The following WDR77 variants were observed in gnomAD, a reference collection of about 807,000 sequenced individuals.
The protein encoded by WDR77 is WD repeat domain 77.
Under a neutral mutation model 44.0 loss-of-function variants are expected in WDR77, and 31 were observed. The ratio of observed to expected loss-of-function variants is 0.70; its 90% confidence interval spans 0.53 to 0.95. WDR77 has a LOEUF of 0.95. Ranked by LOEUF, WDR77 falls within the 40% of genes least tolerant of loss-of-function variation. The pLI is 0.00. For synonymous variants in WDR77, 186 were observed against 165.7 expected (o/e 1.12, Z -0.94); for missense variants, 390 against 423.9 (o/e 0.92, Z 0.70).
Position 111,442,898 on chromosome 1 carries a change from A to T in WDR77, c.692-137T>A, listed in dbSNP as rs1245516491. 2.7e-5 allele frequency: 15 copies of T among 555,532 alleles called. No individual in the cohort carries two copies. In the Admixed American group the frequency reaches 5.1e-4, roughly 19 times the overall value. 34.4% of individuals were successfully genotyped at this position (555,532 alleles called of 1,614,324 possible). On this transcript the variant is annotated intron_variant, in intron 7 of 9. Transcript: ENST00000235090. The stretch of plus-strand genomic sequence containing the variant: ...TTCTCTTTTGCAAAGTAGGAATAAT[A>T]AGTCACTGGATCATTGTGAAAATTA...
chr1:111,441,474 C>A, intron 9 of WDR77, 85 bp from the exon 10 acceptor site: 1 of 1,398,234 alleles, frequency 7.2e-7, no homozygotes, highest in Non-Finnish European at 9.3e-7. Flanking sequence ...ACATCTGGGG[C>A]ACATTTTTTG....
At position 111,448,552 on chromosome 1, in the gene WDR77, G is replaced by A. The variant is rs556442657; in HGVS notation, c.301+67C>T. ...CGTTAGATATTGAGCTCAACCCTAC[G>A]GTACCCCAAGTCTCCATTCTACCGT... On this transcript the variant is annotated intron_variant, in intron 2 of 9. Transcript: ENST00000235090. 4.4e-6 allele frequency: 7 copies of A among 1,595,616 alleles called. No homozygotes were observed. The African/African-American group carries it at 8.0e-5, about 18-fold the overall frequency.
intron 4 of WDR77, among the ~76,000 whole-genome samples, chr1:111,444,604 C>T (rs1431751477): frequency 6.6e-6 from 1 of 152,170 alleles, no homozygotes; most frequent in African/African-American, 2.4e-5. Flanking sequence ...ATAGAAAGAA[C>T]ACATACCTGT....
In WDR77 at chr1:111,440,990, T is replaced by C. The variant is rs987021021; in HGVS notation, c.*240A>G. The C allele has an allele frequency of 6.3e-6, 2 of 315,452 alleles. No homozygotes were observed. The highest frequency in any genetic ancestry group is 1.1e-5 in the Non-Finnish European group (2 of 176,710). 19.5% of individuals were successfully genotyped at this position (315,452 alleles called of 1,614,324 possible). On this transcript the variant is annotated 3_prime_UTR_variant, in exon 10 of 10. Transcript: ENST00000235090. Reference sequence around the variant, plus strand: ...TTTTATTCCTGCCACTACCAAAAACTATAAATCTACACACACACTCACACG... The same window carrying C: ...TTTTATTCCTGCCACTACCAAAAACCATAAATCTACACACACACTCACACG...
intron 4 of WDR77, chr1:111,446,781 A>G (rs1447206456): frequency 7.8e-6 from 2 of 257,424 alleles, no homozygotes; most frequent in African/African-American, 2.2e-5. Context: ...GAGGCCATCA[A>G]TAGAAACAGG....
rs767141073 is a variant in WDR77, at chr1:111,449,120, C to T, written c.50G>A (p.Trp17Ter). Reference sequence around the variant, plus strand: ...GGCGGGCGCATTTGGGGGAAGATTCCACTCCCGGGCCGCCGGGGGCACTAG... The same window carrying T: ...GGCGGGCGCATTTGGGGGAAGATTCTACTCCCGGGCCGCCGGGGGCACTAG... ...PPLVPPAARE[W>*]NLPPNAPACM... Residue 17 changes from tryptophan (W) to a stop codon, truncating the protein, a stop_gained, in exon 1 of 10, where the codon TGG (tryptophan) becomes TAG (stop). Coordinates refer to ENST00000235090, the MANE Select transcript of WDR77 (RefSeq NM_024102.4). LOFTEE classifies it high-confidence loss of function. 6.2e-7 allele frequency: 1 copy of T among 1,603,040 alleles called. No individual in the cohort carries two copies.
In WDR77 at chr1:111,442,689, G is replaced by C; in HGVS notation, c.764C>G (p.Ser255Cys). The stretch of plus-strand genomic sequence containing the variant: ...GAACACCAGCCCAGTGACACACTGG[G>C]AGTGTACAGCTGAGCTCAGGACACA... Reference protein sequence around the residue: ...TSCVLSSAVHSQCVTGLVFSP... With the variant: ...TSCVLSSAVHCQCVTGLVFSP... Residue 255 changes from serine (S) to cysteine (C), a missense_variant, in exon 8 of 10, where the codon TCC becomes TGC. Coordinates refer to ENST00000235090, the MANE Select transcript of WDR77 (RefSeq NM_024102.4). 2 of 1,595,286 alleles carry C rather than the reference G, an allele frequency of 1.3e-6. No individual in the cohort carries two copies. The highest frequency in any genetic ancestry group is 1.3e-5 in the African/African-American group (1 of 74,664).
chr1:111,447,827 GTC>G (rs1352802867), intron 2 of WDR77, among the ~76,000 whole-genome samples: 1 of 152,202 alleles, frequency 6.6e-6, no homozygotes, highest in Non-Finnish European at 1.5e-5. Context: ...AGATGGAACA[GTC>G]TGTAAAATTC....
chr1:111,447,194 A>G, intron 3 of WDR77, 50 bp from the exon 4 acceptor site: 1 of 1,605,180 alleles, frequency 6.2e-7, no homozygotes, highest in Non-Finnish European at 8.5e-7. Context: ...CACTATCAAC[A>G]TAAAAACGTG....
Position 111,447,141 on chromosome 1 carries a change from G to T in WDR77, c.447C>A (p.Ile149=), listed in dbSNP as rs758574849. ...QAVSGSKDIC[I]KVWDLAQQVV... ...CCTGCTGAGCAAGGTCCCAAACCTT[G>T]ATGCTAAGAAGCAAAAGCAAACAGA... The change falls in exon 4 of 10, where the codon ATC becomes ATA. Residue 149 remains isoleucine, a synonymous_variant. Coordinates refer to ENST00000235090, the MANE Select transcript of WDR77 (RefSeq NM_024102.4). 3 of 1,614,166 alleles carry T rather than the reference G, an allele frequency of 1.9e-6. No individual in the cohort carries two copies. The South Asian group carries it at 3.3e-5, about 18-fold the overall frequency.
chr1:111,444,102 A>G lies in WDR77; in HGVS notation c.516T>C (p.Cys172=), dbSNP rs1338803743. 2.5e-6 allele frequency: 4 copies of G among 1,613,896 alleles called. No homozygotes were observed. In the East Asian group the frequency reaches 8.9e-5, roughly 36 times the overall value. The change falls in exon 5 of 10, where the codon TGT becomes TGC. Residue 172 remains cysteine (C), a synonymous_variant. Transcript: ENST00000235090. ...SYRAHAAQVT[C]VAASPHKDSV... ...AGTCCTTGTGAGGAGAGGCAGCAAC[A>G]CAAGTGACCTGAGCAGCATGAGCTA...
At position 111,447,426 on chromosome 1, in the gene WDR77, G is replaced by C; in HGVS notation, c.443+9C>G. 6.2e-7 allele frequency: 1 copy of C among 1,614,062 alleles called. No homozygotes were observed. Among genetic ancestry groups the C allele is most frequent in the Non-Finnish European group, 8.5e-7 (1 of 1,179,970 alleles). ...CTTAGAGACAGGAGCAATGAGAACA[G>C]GGACCCACCAGATGTCTTTGCTACC... On this transcript the variant is annotated intron_variant, in intron 3 of 9. Coordinates refer to ENST00000235090, the MANE Select transcript of WDR77 (RefSeq NM_024102.4).
chr1:111,441,523 C>A (rs113907322), intron 9 of WDR77, 134 bp from the exon 10 acceptor site: 84 of 1,323,856 alleles, frequency 6.3e-5, no homozygotes, highest in Non-Finnish European at 7.7e-5. Flanking sequence ...ATGGCCTCAT[C>A]GCCAGGATAG....
In WDR77 at chr1:111,442,683, C is replaced by T. The variant is rs893764248; in HGVS notation, c.770G>A (p.Cys257Tyr). Residue 257 changes from cysteine to tyrosine, a missense_variant, in exon 8 of 10, where the codon TGT becomes TAT. Physicochemically the swap from Cys to Tyr is radical, Grantham distance 194. Coordinates refer to ENST00000235090, the MANE Select transcript of WDR77 (RefSeq NM_024102.4). ...CVLSSAVHSQ[C>Y]VTGLVFSPHS... is the part of the protein sequence containing the mutation. ...TGGGGAGAACACCAGCCCAGTGACA[C>T]ACTGGGAGTGTACAGCTGAGCTCAG... The T allele has an allele frequency of 4.4e-6, 7 of 1,592,964 alleles. No homozygotes were observed. In the African/African-American group the frequency reaches 5.4e-5, roughly 12 times the overall value.
chr1:111,441,769 G>A (rs1194343953), intron 9 of WDR77, among the ~76,000 whole-genome samples: 1 of 152,186 alleles, frequency 6.6e-6, no homozygotes, highest in African/African-American at 2.4e-5. Flanking sequence ...CCTTGTGGGA[G>A]AGCGCTGGAG....
chr1:111,442,622 C>A, intron 8 of WDR77, 31 bp downstream of exon 8: 1 of 1,438,604 alleles, frequency 7.0e-7, no homozygotes, highest in South Asian at 1.4e-5. Flanking sequence ...CCATTTATAC[C>A]CATCAGGCCC....
At position 111,442,735 on chromosome 1, in the gene WDR77, C is replaced by A; in HGVS notation, c.718G>T (p.Val240Leu). 6.3e-7 allele frequency: 1 copy of A among 1,597,870 alleles called. No homozygotes were observed. Among genetic ancestry groups the A allele is most frequent in the Non-Finnish European group, 8.6e-7 (1 of 1,168,754 alleles). ...FGDENGTVSL[V>L]DTKSTSCVLS... ...ACACAGCTTGTACTCTTGGTGTCCA[C>A]AAGGGAGACTGTCCCATTCTCATCA... is the stretch of plus-strand genomic sequence containing the variant. The change falls in exon 8 of 10, where the codon GTG (valine) becomes TTG (leucine). Residue 240 changes from valine to leucine, a missense_variant. Transcript: ENST00000235090.
At chr1:111,447,607 C>T (rs1021045847) in intron 2 of WDR77, 31 bp from the exon 3 acceptor site, 4 of 1,613,426 alleles carry the variant, frequency 2.5e-6, no homozygotes, top group Non-Finnish European at 3.4e-6. Context: ...AAAACATGAG[C>T]TTGGATTATA....
Position 111,447,596 on chromosome 1 carries a change from G to A in WDR77, c.302-20C>T. On this transcript the variant is annotated intron_variant, in intron 2 of 9. Coordinates refer to ENST00000235090, the MANE Select transcript of WDR77 (RefSeq NM_024102.4). ...CAGCACCTGTTGGGGGTAGGGTAAG[G>A]AAAACATGAGCTTGGATTATACCAA... The A allele has an allele frequency of 6.2e-7, 1 of 1,614,038 alleles. No homozygotes were observed. Among genetic ancestry groups the A allele is most frequent in the Non-Finnish European group, 8.5e-7 (1 of 1,179,926 alleles).
Sources: gnomAD v4.1 joint callset for allele counts (sites outside exome capture counted in the v4.1 genomes callset) on GRCh38, gnomAD v4.1.1 for gene constraint, MANE v1.5 for transcripts, NCBI Gene and HGNC (gene_info 2026-07-23, HGNC 2026-07-21) for gene names.